Variants in MILR1 observed in about 807,000 individuals in gnomAD.
MILR1 encodes the protein allergin-1.
MILR1 carries 31 observed loss-of-function variants against 18.5 expected under a neutral mutation model. The observed-to-expected ratio is 1.68, with a 90% CI of 1.26 to 2.26. MILR1 has a LOEUF of 2.26. MILR1 is among the 30% of genes most tolerant of loss of function. The pLI is 0.00. For missense variants in MILR1, 257 were observed against 157.4 expected (o/e 1.63, Z -3.38); for synonymous variants, 85 against 56.2 (o/e 1.51, Z -2.30).
the MILR1 span, chr17:64,485,474 CAT>C: frequency 2.1e-6 from 1 of 475,542 alleles, no homozygotes; most frequent in South Asian, 2.1e-5. Flanking sequence ...GGCTAGGAGT[CAT>C]AGAGATAGCT....
the MILR1 span, among the ~76,000 whole-genome samples, chr17:64,476,467 C>T: frequency 5.3e-5 from 8 of 152,014 alleles, no homozygotes; most frequent in South Asian, 1.7e-3. Flanking sequence ...ATCACTTGAG[C>T]CTAGGAGTTT....
chr17:64,452,902 T>C (rs1178317983), intron 3 of MILR1, 36 bp downstream of exon 3: 7 of 471,942 alleles, frequency 1.5e-5, no homozygotes, highest in Non-Finnish European at 2.7e-5. Context: ...GCCCCTATAA[T>C]TTATAGGGTG....
the MILR1 span, chr17:64,492,955 T>C: frequency 6.2e-7 from 1 of 1,613,886 alleles, no homozygotes; most frequent in African/African-American, 1.3e-5. Flanking sequence ...CACTCCAATC[T>C]GAGCAAGGCC....
At chr17:64,471,204 G>A (rs1388004747), downstream of MILR1, among the ~76,000 whole-genome samples, 1 of 152,064 alleles carries the variant, frequency 6.6e-6, no homozygotes, top group Non-Finnish European at 1.5e-5. Flanking sequence ...CAGGCCCAAT[G>A]CGCCATGGGA....
At chr17:64,452,896 C>G in intron 3 of MILR1, 30 bp downstream of exon 3, 1 of 472,798 alleles carries the variant, frequency 2.1e-6, no homozygotes, top group Non-Finnish European at 3.9e-6. Context: ...CTTGGAGCCC[C>G]TATAATTTAT....
the MILR1 span, among the ~76,000 whole-genome samples, chr17:64,479,604 A>G: frequency 6.6e-6 from 1 of 152,216 alleles, no homozygotes; most frequent in Non-Finnish European, 1.5e-5. Context: ...ACAAGAATGG[A>G]TTATTTAAAA....
the MILR1 span, chr17:64,491,572 T>G: frequency 6.4e-7 from 1 of 1,552,564 alleles, no homozygotes; most frequent in East Asian, 2.3e-5. Flanking sequence ...GAGGTCAAAC[T>G]AGGGGAGCTG....
the MILR1 span, among the ~76,000 whole-genome samples, chr17:64,481,754 A>C: frequency 2.0e-5 from 3 of 152,022 alleles, no homozygotes; most frequent in Non-Finnish European, 4.4e-5. Context: ...GTGTACCTGT[A>C]ATCCCATCTA....
chr17:64,490,724 T>C, the MILR1 span: 3 of 1,240,666 alleles, frequency 2.4e-6, no homozygotes, highest in South Asian at 2.4e-5. Flanking sequence ...TTGCACCTTA[T>C]TCTCAAATGG....
chr17:64,453,222 C>T (rs965180834), intron 3 of MILR1, among the ~76,000 whole-genome samples: 6,996 of 151,896 alleles, frequency 0.046, 570 homozygotes, highest in African/African-American at 0.16. Context: ...GCACCCATCA[C>T]CACGCCTGGC....
At chr17:64,482,833 C>T in the MILR1 span, 17 of 798,934 alleles carry the variant, frequency 2.1e-5, no homozygotes, top group Middle Eastern at 2.8e-4. Context: ...CAAAAAAATC[C>T]GAGATCCAAA....
At chr17:64,472,465 C>CAAAAAAAAAAAAAA (rs71158332), downstream of MILR1, among the ~76,000 whole-genome samples, 18 of 13,918 alleles carry the variant, frequency 1.3e-3, 1 homozygote, top group African/African-American at 2.0e-3. Context: ...GACTCCATCT[C>CAAAAAAAAAAAAAA]AAAAAAAAAA....
Position 64,465,924 on chromosome 17 carries a change from C to T in MILR1, c.853+383C>T, listed in dbSNP as rs150647376. Among the ~76,000 whole-genome samples the T allele has an allele frequency of 3.0e-3, 450 of 152,162 alleles. 1 individual carries two copies. Among genetic ancestry groups the T allele is most frequent in the African/African-American group, 0.01 (427 of 41,492 alleles). ...GCATATTGCTTTGCAGTAAACAAGA[C>T]CCAGCGCCTCGGCTGATGTATTAGT... On this transcript the variant is annotated intron_variant, in intron 6 of 9. Transcript: ENST00000619286.
the MILR1 span, among the ~76,000 whole-genome samples, chr17:64,479,786 AC>A: frequency 1.3e-5 from 2 of 152,166 alleles, no homozygotes; most frequent in African/African-American, 4.8e-5. Context: ...TTGATGATAG[AC>A]TGGATGTAGA....
downstream of MILR1, chr17:64,468,702 T>C (rs925238588): frequency 2.0e-6 from 2 of 983,294 alleles, no homozygotes; most frequent in South Asian, 6.0e-5. Flanking sequence ...GGCATCTCCA[T>C]GATCTTTTCC....
chr17:64,449,251 C>T (rs1206890998), intron 1 of MILR1, 28 bp downstream of exon 1: 4 of 473,208 alleles, frequency 8.5e-6, no homozygotes, highest in South Asian at 7.0e-5. Context: ...TTCTGAGGCT[C>T]GAACCTCCAA....
At chr17:64,485,744 T>C in the MILR1 span, 1 of 1,613,236 alleles carries the variant, frequency 6.2e-7, no homozygotes. Flanking sequence ...ATGAAGATTT[T>C]TCTTTCTTGT....
chr17:64,490,907 T>G, the MILR1 span: 6 of 1,613,898 alleles, frequency 3.7e-6, no homozygotes, highest in African/African-American at 8.0e-5. Context: ...AAAGTTTGTT[T>G]CCTTTCCGGC....
intron 5 of MILR1, among the ~76,000 whole-genome samples, chr17:64,461,991 C>T (rs1010267663): frequency 1.3e-5 from 2 of 152,324 alleles, no homozygotes; most frequent in South Asian, 4.1e-4. Flanking sequence ...ATACGCCACA[C>T]TTTGTTTATC....
Sources: gnomAD v4.1 joint callset for allele counts (sites outside exome capture counted in the v4.1 genomes callset) on GRCh38, gnomAD v4.1.1 for gene constraint, MANE v1.5 for transcripts, NCBI Gene and HGNC (gene_info 2026-07-23, HGNC 2026-07-21) for gene names.